Variants in FTO observed in about 807,000 individuals in gnomAD.
FTO encodes alpha-ketoglutarate-dependent dioxygenase FTO.
Under a neutral mutation model 63.9 loss-of-function variants are expected in FTO, and 47 were observed. That is an observed-to-expected ratio of 0.74 (90% CI 0.58 to 0.94). The LOEUF is 0.94. Among genes scored for constraint, FTO ranks in the 40% least tolerant of loss-of-function variants. The pLI, the probability that FTO is intolerant of heterozygous loss-of-function variation, is 0.00. For missense variants in FTO, 562 were observed against 618.1 expected (o/e 0.91, Z 0.96); for synonymous variants, 207 against 224.4 (o/e 0.92, Z 0.69).
At chr16:53,981,030 G>T (rs1412227264) in intron 8 of FTO, among the ~76,000 whole-genome samples, 1 of 152,182 alleles carries the variant, frequency 6.6e-6, no homozygotes, top group African/African-American at 2.4e-5. Context: ...ATTAAATTTG[G>T]AGAGAAATTT....
In FTO at chr16:54,008,440, G is replaced by A. The variant is rs571805909; in HGVS notation, c.1364+74331G>A. 10 of 149,092 alleles carry A rather than the reference G, an allele frequency of 6.7e-5. No homozygotes were observed. The East Asian group carries it at 1.4e-3, about 20-fold the overall frequency. The allele number at this position is 149,092 out of a possible 1,614,324, so 9.2% of individuals were successfully genotyped here. ...TTTTTTCTTTAAGTGTATAAGCTTCGTTTATACTTCCAAAGGATCTTCAAT... is the reference window on the plus strand; with the variant it reads ...TTTTTTCTTTAAGTGTATAAGCTTCATTTATACTTCCAAAGGATCTTCAAT... On this transcript the variant is annotated intron_variant, in intron 8 of 8. Coordinates refer to ENST00000471389, the MANE Select transcript of FTO (RefSeq NM_001080432.3).
chr16:53,739,588 A>G (rs1208280221), intron 1 of FTO, among the ~76,000 whole-genome samples: 1 of 152,166 alleles, frequency 6.6e-6, no homozygotes, highest in Admixed American at 6.5e-5. Context: ...GTGTGAATGG[A>G]AAGAAAGAAG....
intron 8 of FTO, among the ~76,000 whole-genome samples, chr16:53,958,806 A>C (rs563592442): frequency 6.6e-6 from 1 of 152,280 alleles, no homozygotes; most frequent in East Asian, 1.9e-4. Flanking sequence ...AGGCCGGTGG[A>C]TTCACCATGG....
At chr16:53,927,945 T>G (rs1397528006) in intron 7 of FTO, among the ~76,000 whole-genome samples, 1 of 152,226 alleles carries the variant, frequency 6.6e-6, no homozygotes, top group East Asian at 1.9e-4. Flanking sequence ...CAGGAATCCC[T>G]TTGTTAAACT....
At chr16:53,784,150 T>G (rs1196616723) in intron 1 of FTO, among the ~76,000 whole-genome samples, 1 of 152,244 alleles carries the variant, frequency 6.6e-6, no homozygotes, top group Non-Finnish European at 1.5e-5. Flanking sequence ...ATATTCTATA[T>G]TCATAGCATC....
At chr16:53,820,176 T>G (rs1293507767) in intron 2 of FTO, among the ~76,000 whole-genome samples, 1 of 151,862 alleles carries the variant, frequency 6.6e-6, no homozygotes. Flanking sequence ...GCCCAGCTAG[T>G]TTTTGTATTT....
At chr16:53,871,469 T>C (rs1190495659) in intron 4 of FTO, among the ~76,000 whole-genome samples, 2 of 152,202 alleles carry the variant, frequency 1.3e-5, no homozygotes, top group East Asian at 1.9e-4. Flanking sequence ...TTGTTTCAGA[T>C]ACTGCATGTT....
At chr16:53,867,675 G>T (rs1168553992) in intron 4 of FTO, among the ~76,000 whole-genome samples, 1 of 152,096 alleles carries the variant, frequency 6.6e-6, no homozygotes, top group Non-Finnish European at 1.5e-5. Flanking sequence ...TTCTGCTGTT[G>T]TTGAATGAAA....
intron 4 of FTO, among the ~76,000 whole-genome samples, chr16:53,861,422 C>T (rs2080170997): frequency 6.6e-6 from 1 of 152,084 alleles, no homozygotes; most frequent in Non-Finnish European, 1.5e-5. Context: ...TTTATTTATT[C>T]ATGAGGTTGA....
intron 3 of FTO, among the ~76,000 whole-genome samples, chr16:53,839,464 A>T (rs1003720418): frequency 6.6e-6 from 1 of 152,192 alleles, no homozygotes; most frequent in African/African-American, 2.4e-5. Context: ...CCTCCTCCCT[A>T]CACAGCCTAA....
At chr16:53,712,507 C>A (rs2075799417) in intron 1 of FTO, among the ~76,000 whole-genome samples, 1 of 152,196 alleles carries the variant, frequency 6.6e-6, no homozygotes, top group African/African-American at 2.4e-5. Context: ...AGTTTCCAAA[C>A]CACTTTTAAT....
chr16:54,023,808 A>C (rs1252811368), intron 8 of FTO, among the ~76,000 whole-genome samples: 1 of 151,954 alleles, frequency 6.6e-6, no homozygotes, highest in Non-Finnish European at 1.5e-5. Context: ...CCATGGTCCC[A>C]CTCTCCTAAT....
intron 7 of FTO, among the ~76,000 whole-genome samples, chr16:53,899,943 T>C (rs1196584097): frequency 6.6e-6 from 1 of 152,222 alleles, no homozygotes; most frequent in Non-Finnish European, 1.5e-5. Flanking sequence ...AGTCGGAAGA[T>C]TGAAGCCTTA....
intron 1 of FTO, among the ~76,000 whole-genome samples, chr16:53,741,370 G>C (rs909232398): frequency 1.2e-4 from 18 of 151,970 alleles, no homozygotes; most frequent in Non-Finnish European, 2.2e-4. Flanking sequence ...TACCCTTTTT[G>C]CTGAATAGTG....
Position 54,118,965 on chromosome 16 carries a change from ATTCAT to A in FTO, c.*7052_*7056del, listed in dbSNP as rs1258220486. 1 of 152,222 alleles carries A rather than the reference ATTCAT, an allele frequency of 6.6e-6. No homozygotes were observed. Among genetic ancestry groups the A allele is most frequent in the Non-Finnish European group, 1.5e-5 (1 of 68,050 alleles). The allele number at this position is 152,222 out of a possible 1,614,324, so 9.4% of individuals were successfully genotyped here. ...GGGTAATGGAAGAATTTCTACATAC[ATTCAT>A]TACTTCTGATCAGGCAAGACCAGTC... On this transcript the variant is annotated 3_prime_UTR_variant, in exon 9 of 9. Coordinates refer to ENST00000471389, the MANE Select transcript of FTO (RefSeq NM_001080432.3).
chr16:53,885,740 C>T (rs2080979551), intron 6 of FTO, among the ~76,000 whole-genome samples: 1 of 152,094 alleles, frequency 6.6e-6, no homozygotes, highest in Non-Finnish European at 1.5e-5. Flanking sequence ...GAACTGACTC[C>T]AGAACCCATA....
intron 1 of FTO, among the ~76,000 whole-genome samples, chr16:53,807,265 A>G (rs12149182): frequency 0.72 from 109,868 of 152,136 alleles, 40,814 homozygotes; most frequent in African/African-American, 0.9. Flanking sequence ...ATACAACAGT[A>G]CTCACAGGAT....
At position 54,067,639 on chromosome 16, in the gene FTO, G is replaced by A. The variant is rs142101049; in HGVS notation, c.1365-44123G>A. Among the ~76,000 whole-genome samples the A allele has an allele frequency of 7.2e-5, 11 of 152,300 alleles. No homozygotes were observed. In the East Asian group the frequency reaches 2.1e-3, roughly 29 times the overall value. ...AGACATAAAAATTGCTCTCTAGTGA[G>A]CCTAAATATCCCTAGAAGCTAGTTG... is the stretch of plus-strand genomic sequence containing the variant. On this transcript the variant is annotated intron_variant, in intron 8 of 8. Coordinates refer to ENST00000471389, the MANE Select transcript of FTO (RefSeq NM_001080432.3).
At chr16:53,932,414 G>A (rs919342826) in intron 7 of FTO, among the ~76,000 whole-genome samples, 1 of 149,764 alleles carries the variant, frequency 6.7e-6, no homozygotes, top group Non-Finnish European at 1.5e-5. Flanking sequence ...TTTTGAGATG[G>A]AACCTCACTC....
Sources: allele counts gnomAD v4.1 joint callset (sites outside exome capture counted in the v4.1 genomes callset), GRCh38; gene constraint gnomAD v4.1.1; transcripts MANE v1.5; gene names NCBI Gene and HGNC (gene_info 2026-07-23, HGNC 2026-07-21).